UBE3C: variants seen among roughly 807,000 people sequenced by gnomAD.
UBE3C encodes the protein ubiquitin protein ligase E3C.
UBE3C carries 42 observed loss-of-function variants against 129.4 expected under a neutral mutation model. The ratio of observed to expected loss-of-function variants is 0.32; its 90% confidence interval spans 0.25 to 0.42. UBE3C has a LOEUF of 0.42. Among genes scored for constraint, UBE3C ranks in the 10% least tolerant of loss-of-function variants. The pLI, the probability that UBE3C is intolerant of heterozygous loss-of-function variation, is 1.00. For synonymous variants in UBE3C, 510 were observed against 492.4 expected (o/e 1.04, Z -0.47); for missense variants, 1,049 against 1,319.1 (o/e 0.80, Z 3.17).
chr7:157,176,998 C>A (rs73743216), intron 5 of UBE3C, among the ~76,000 whole-genome samples: 2,055 of 152,266 alleles, frequency 0.013, 39 homozygotes, highest in African/African-American at 0.047. Flanking sequence ...ACCTGCAGCT[C>A]CTTTTATGAC....
intron 19 of UBE3C, among the ~76,000 whole-genome samples, chr7:157,248,840 G>A (rs942456005): frequency 2.0e-5 from 3 of 152,108 alleles, no homozygotes; most frequent in South Asian, 2.1e-4. Flanking sequence ...TCGAGGCTGC[G>A]GCCCAGGCTT....
chr7:157,232,660 G>T (rs140366266), intron 18 of UBE3C, among the ~76,000 whole-genome samples: 6 of 152,050 alleles, frequency 3.9e-5, no homozygotes, highest in Non-Finnish European at 5.9e-5. Flanking sequence ...CCTGTTATTC[G>T]CATTCTTAAA....
intron 2 of UBE3C, among the ~76,000 whole-genome samples, chr7:157,166,900 C>T (rs13310211): frequency 0.048 from 6,970 of 146,216 alleles, 213 homozygotes; most frequent in Non-Finnish European, 0.071. Flanking sequence ...TGGTGAAAGT[C>T]GCTTTTTCCT....
At position 157,257,034 on chromosome 7, in the gene UBE3C, T is replaced by G; in HGVS notation, c.3071T>G (p.Leu1024Trp). ...FVTSCSRPPLLGFKELYPAFC... is the reference protein window; with the variant it reads ...FVTSCSRPPLWGFKELYPAFC... ...ACAAGCTGCTCTCGACCCCCTCTCT[T>G]GGGGTTTAAGGTACACAACTTTCAT... Residue 1024 changes from leucine to tryptophan, a missense_variant, in exon 22 of 23, where the codon TTG becomes TGG. By Grantham distance (61) the Leu-to-Trp change is moderately conservative (BLOSUM62 -2). Around this residue, in one of 4 missense-constraint regions of UBE3C, gnomAD observed 243 missense variants for 368.7 expected, o/e 0.66. Coordinates refer to ENST00000348165, the MANE Select transcript of UBE3C (RefSeq NM_014671.3). 6.2e-7 allele frequency: 1 copy of G among 1,614,198 alleles called. No homozygotes were observed. The highest frequency in any genetic ancestry group is 2.2e-5 in the East Asian group (1 of 44,882).
At chr7:157,140,080 G>A in intron 1 of UBE3C, 1 of 976,286 alleles carries the variant, frequency 1.0e-6, no homozygotes, top group South Asian at 4.7e-5. Context: ...AGAATTTCTA[G>A]CTGTCTGTCC....
intron 9 of UBE3C, among the ~76,000 whole-genome samples, chr7:157,184,579 G>A (rs573583972): frequency 6.6e-6 from 1 of 151,878 alleles, no homozygotes; most frequent in Non-Finnish European, 1.5e-5. Flanking sequence ...GACTTTTTTT[G>A]GTCTTAAGCA....
intron 1 of UBE3C, among the ~76,000 whole-genome samples, 177 bp from the exon 2 acceptor site, chr7:157,163,633 C>T (rs556580724): frequency 6.6e-6 from 1 of 152,238 alleles, no homozygotes; most frequent in South Asian, 2.1e-4. Flanking sequence ...ATCTAGTGAC[C>T]TCTGGGAAAC....
Position 157,267,858 on chromosome 7 carries a change from C to T in UBE3C, c.*103C>T, listed in dbSNP as rs145961178. 4.5e-4 allele frequency: 435 copies of T among 970,994 alleles called. No homozygotes were observed. The Middle Eastern group carries it at 5.4e-3, about 12-fold the overall frequency. 60.1% of individuals were successfully genotyped at this position (970,994 alleles called of 1,614,324 possible). ...ACTCACACTGCACGCCTGAGGCTCT[C>T]CTAAGCTCCTTCTTTCATTCTGCCA... is the stretch of plus-strand genomic sequence containing the variant. On this transcript the variant is annotated 3_prime_UTR_variant, in exon 23 of 23. Coordinates refer to ENST00000348165, the MANE Select transcript of UBE3C (RefSeq NM_014671.3).
intron 2 of UBE3C, among the ~76,000 whole-genome samples, chr7:157,166,665 G>A (rs539179055): frequency 2.0e-5 from 3 of 151,268 alleles, no homozygotes; most frequent in South Asian, 2.1e-4. Context: ...GCTTGAACTC[G>A]GGAGGCGGAG....
chr7:157,156,712 T>A (rs1333830914), intron 1 of UBE3C, among the ~76,000 whole-genome samples: 4 of 126,768 alleles, frequency 3.2e-5, no homozygotes, highest in Admixed American at 2.8e-4. Flanking sequence ...TCCCTTCTTT[T>A]TAAAAAAAAA....
chr7:157,199,482 T>G (rs1338926770), intron 10 of UBE3C, among the ~76,000 whole-genome samples: 1 of 152,032 alleles, frequency 6.6e-6, no homozygotes, highest in African/African-American at 2.4e-5. Context: ...TTTTATTTTA[T>G]TTTTTTGAGT....
At chr7:157,142,750 C>T (rs570842367) in intron 1 of UBE3C, among the ~76,000 whole-genome samples, 1 of 152,154 alleles carries the variant, frequency 6.6e-6, no homozygotes, top group Non-Finnish European at 1.5e-5. Flanking sequence ...ACTGTGCTCA[C>T]TCCCCGGGTA....
intron 9 of UBE3C, 92 bp from the exon 10 acceptor site, chr7:157,186,742 C>G: frequency 6.8e-7 from 1 of 1,460,098 alleles, no homozygotes; most frequent in South Asian, 1.3e-5. Context: ...TTTCTTTGCC[C>G]GAAGAAAAAT....
chr7:157,196,820 T>C (rs1383738016), intron 10 of UBE3C, among the ~76,000 whole-genome samples: 1 of 152,010 alleles, frequency 6.6e-6, no homozygotes, highest in African/African-American at 2.4e-5. Flanking sequence ...AATACAAAAA[T>C]GAGCTGGGCG....
intron 1 of UBE3C, among the ~76,000 whole-genome samples, chr7:157,161,361 A>G (rs1174655216): frequency 1.3e-5 from 2 of 152,144 alleles, no homozygotes; most frequent in African/African-American, 2.4e-5. Context: ...GTTTAAAACA[A>G]TATTTTTTCT....
At chr7:157,227,184 C>T (rs1021561112) in intron 17 of UBE3C, among the ~76,000 whole-genome samples, 2 of 151,996 alleles carry the variant, frequency 1.3e-5, no homozygotes, top group Non-Finnish European at 2.9e-5. Context: ...TGCCAATGAT[C>T]GTGTAGTGTT....
At chr7:157,257,910 A>G (rs1422714566) in intron 22 of UBE3C, among the ~76,000 whole-genome samples, 3 of 151,274 alleles carry the variant, frequency 2.0e-5, no homozygotes, top group Admixed American at 6.6e-5. Flanking sequence ...GTGCTTATGA[A>G]ACTTCATAGG....
intron 10 of UBE3C, among the ~76,000 whole-genome samples, chr7:157,193,046 A>T (rs143172969): frequency 6.6e-6 from 1 of 152,108 alleles, no homozygotes; most frequent in African/African-American, 2.4e-5. Context: ...TCTGGTGTCA[A>T]TGCTGGAATG....
intron 10 of UBE3C, chr7:157,192,811 C>A: frequency 7.8e-7 from 1 of 1,282,858 alleles, no homozygotes; most frequent in Non-Finnish European, 1.1e-6. Context: ...ACTACTGCTT[C>A]AACAAACCAG....
Sources: gnomAD v4.1 joint callset for allele counts (sites outside exome capture counted in the v4.1 genomes callset) on GRCh38, gnomAD v4.1.1 for gene constraint, gnomAD v4.1.1 regional missense constraint, MANE v1.5 for transcripts, NCBI Gene and HGNC (gene_info 2026-07-23, HGNC 2026-07-21) for gene names.